Variants in DLG2 observed in about 807,000 individuals in gnomAD.
DLG2 encodes the protein disks large homolog 2.
DLG2 carries 45 observed loss-of-function variants against 132.5 expected under a neutral mutation model. The observed-to-expected ratio is 0.34, with a 90% CI of 0.27 to 0.44. DLG2 has a LOEUF of 0.44. Ranked by LOEUF, DLG2 falls within the 20% of genes least tolerant of loss-of-function variation. The pLI is 1.00. For synonymous variants in DLG2, 424 were observed against 419.6 expected (o/e 1.01, Z -0.13); for missense variants, 1,045 against 1,196.9 (o/e 0.87, Z 1.87).
At chr11:84,785,193 T>C (rs2072654424) in intron 6 of DLG2, among the ~76,000 whole-genome samples, 1 of 152,060 alleles carries the variant, frequency 6.6e-6, no homozygotes, top group South Asian at 2.1e-4. Context: ...ATCTACAGGA[T>C]CTCCTCATTC....
rs2082121437 is a variant in DLG2, at chr11:85,209,562, G to T, written c.187-54911C>A. 2.2e-5 allele frequency among the ~76,000 whole-genome samples: 3 copies of T among 135,920 alleles called. No individual in the cohort carries two copies. The South Asian group carries it at 7.3e-4, about 33-fold the overall frequency. 89.2% of individuals were successfully genotyped at this position (135,920 alleles called of 152,430 possible). On this transcript the variant is annotated intron_variant, in intron 4 of 27. Coordinates refer to ENST00000376104, the MANE Select transcript of DLG2 (RefSeq NM_001142699.3). ...CCTGCCTTAGCCTCCTGAGTAGCTG[G>T]AATTACAGGAGCACACTACCACACC...
chr11:84,237,118 C>A (rs113245141), intron 8 of DLG2, among the ~76,000 whole-genome samples: 36 of 151,894 alleles, frequency 2.4e-4, no homozygotes, highest in African/African-American at 8.5e-4. Context: ...TTAGTAGAGA[C>A]GGGGTTTCAC....
intron 9 of DLG2, among the ~76,000 whole-genome samples, chr11:84,115,143 T>C (rs1366572115): frequency 6.6e-6 from 1 of 152,232 alleles, no homozygotes; most frequent in Non-Finnish European, 1.5e-5. Flanking sequence ...ATTTCCTTAC[T>C]AAAAGATGTC....
intron 6 of DLG2, among the ~76,000 whole-genome samples, chr11:84,634,449 A>G (rs979889908): frequency 6.6e-6 from 1 of 152,206 alleles, no homozygotes; most frequent in Non-Finnish European, 1.5e-5. Context: ...CCTACTCTTT[A>G]TCAACCAGTT....
chr11:85,198,811 C>T (rs1331791794), intron 4 of DLG2, among the ~76,000 whole-genome samples: 1 of 152,132 alleles, frequency 6.6e-6, no homozygotes, highest in Non-Finnish European at 1.5e-5. Context: ...TACCTCAAGT[C>T]ACTTGCCACA....
At chr11:84,860,756 T>C (rs1015336042) in intron 6 of DLG2, among the ~76,000 whole-genome samples, 1 of 151,948 alleles carries the variant, frequency 6.6e-6, no homozygotes, top group Non-Finnish European at 1.5e-5. Context: ...TATTATGCAT[T>C]AGTATCTAAT....
In DLG2 at chr11:84,370,210, A is replaced by G. The variant is rs138069604; in HGVS notation, c.520-118919T>C. 6.0e-3 allele frequency among the ~76,000 whole-genome samples: 915 copies of G among 152,236 alleles called. 5 individuals carry two copies. Among genetic ancestry groups the G allele is most frequent in the African/African-American group, 0.021 (858 of 41,564 alleles). ...ACTCGAATATATAACCGTTTCACAG[A>G]TCTGAGCTGCCTCTCACCTAAAAGT... On this transcript the variant is annotated intron_variant, in intron 7 of 27. Coordinates refer to ENST00000376104, the MANE Select transcript of DLG2 (RefSeq NM_001142699.3).
intron 7 of DLG2, among the ~76,000 whole-genome samples, chr11:84,313,755 T>A (rs542303906): frequency 6.6e-6 from 1 of 152,274 alleles, no homozygotes; most frequent in South Asian, 2.1e-4. Context: ...TCTCTGAGTC[T>A]CCACTGTTCT....
chr11:84,934,515 G>GGTTTTTTTTTTTTTTTTTTTTTTTTTTTT (rs1566441569), intron 6 of DLG2, among the ~76,000 whole-genome samples: 3 of 40,506 alleles, frequency 7.4e-5, no homozygotes, highest in Admixed American at 3.3e-4. Context: ...TTTTTTTTTT[G>GGTTTTTTTTTTTTTTTTTTTTTTTTTTTT]TTTTGTTTTG....
chr11:85,364,255 A>T (rs1358994261), intron 3 of DLG2, among the ~76,000 whole-genome samples: 1 of 152,128 alleles, frequency 6.6e-6, no homozygotes, highest in Non-Finnish European at 1.5e-5. Context: ...CATATTCCTT[A>T]GGCCTTACTA....
intron 4 of DLG2, among the ~76,000 whole-genome samples, chr11:85,197,497 T>C (rs1326185182): frequency 6.6e-6 from 1 of 152,170 alleles, no homozygotes; most frequent in African/African-American, 2.4e-5. Context: ...AGGAAACCCA[T>C]GATGATTATT....
At chr11:84,494,053 A>G (rs2099173198) in intron 7 of DLG2, among the ~76,000 whole-genome samples, 2 of 152,212 alleles carry the variant, frequency 1.3e-5, no homozygotes, top group Admixed American at 1.3e-4. Flanking sequence ...GTCATGGCAC[A>G]TAAAAGACAG....
chr11:84,170,436 A>G (rs1340563846), intron 8 of DLG2, among the ~76,000 whole-genome samples: 1 of 152,202 alleles, frequency 6.6e-6, no homozygotes, highest in Middle Eastern at 3.2e-3. Flanking sequence ...TCTAACAGAT[A>G]GAGACAAGTG....
rs1201937385 is a variant in DLG2, at chr11:85,408,553, C to G, written c.41-123188G>C. On this transcript the variant is annotated intron_variant, in intron 3 of 27. Transcript: ENST00000376104. ...CAATGCTATCCCTCCCCCCTCCCCCCACCCCACAGCAGTCCCCAGAGTATG... is the reference window on the plus strand; with the variant it reads ...CAATGCTATCCCTCCCCCCTCCCCCGACCCCACAGCAGTCCCCAGAGTATG... Among the ~76,000 whole-genome samples, 8 of 125,376 alleles carry G rather than the reference C, an allele frequency of 6.4e-5. 1 individual carries two copies. Among genetic ancestry groups the G allele is most frequent in the Admixed American group, 2.6e-4 (3 of 11,356 alleles). 82.3% of individuals were successfully genotyped at this position (125,376 alleles called of 152,430 possible).
At chr11:85,534,644 A>G (rs2075448405) in intron 3 of DLG2, among the ~76,000 whole-genome samples, 1 of 152,220 alleles carries the variant, frequency 6.6e-6, no homozygotes, top group Non-Finnish European at 1.5e-5. Flanking sequence ...AAGGGCCTCC[A>G]GCTGCATCCA....
intron 4 of DLG2, among the ~76,000 whole-genome samples, chr11:85,165,584 G>C (rs1311856897): frequency 2.6e-5 from 4 of 152,068 alleles, no homozygotes; most frequent in African/African-American, 9.7e-5. Flanking sequence ...GCTTCTTTCA[G>C]CTCCTTTCTG....
chr11:84,664,851 T>C (rs1333511479), intron 6 of DLG2, among the ~76,000 whole-genome samples: 1 of 152,162 alleles, frequency 6.6e-6, no homozygotes, highest in African/African-American at 2.4e-5. Context: ...TTATGATTGT[T>C]AACACCCCTC....
chr11:85,086,325 C>T (rs1419510094), intron 6 of DLG2, among the ~76,000 whole-genome samples: 1 of 152,070 alleles, frequency 6.6e-6, no homozygotes, highest in South Asian at 2.1e-4. Context: ...GAATCTTACT[C>T]ATCAAATAAA....
At chr11:84,230,532 A>AT (rs938124896) in intron 8 of DLG2, among the ~76,000 whole-genome samples, 1 of 152,058 alleles carries the variant, frequency 6.6e-6, no homozygotes, top group South Asian at 2.1e-4. Flanking sequence ...AGTAGCTGTG[A>AT]TTTTTTTTCC....
Sources: gnomAD v4.1 joint callset for allele counts (sites outside exome capture counted in the v4.1 genomes callset) on GRCh38, gnomAD v4.1.1 for gene constraint, MANE v1.5 for transcripts, NCBI Gene and HGNC (gene_info 2026-07-23, HGNC 2026-07-21) for gene names.